Variants in PPARGC1A observed in about 807,000 individuals in gnomAD.
The protein encoded by PPARGC1A is peroxisome proliferator-activated receptor gamma coactivator 1-alpha.
A neutral mutation model predicts 88.7 loss-of-function variants in PPARGC1A; 25 were observed. The observed-to-expected ratio is 0.28, with a 90% CI of 0.21 to 0.39. PPARGC1A has a LOEUF of 0.39. PPARGC1A is among the 10% of genes least tolerant of loss of function. The pLI is 1.00. For synonymous variants in PPARGC1A, 363 were observed against 355.6 expected (o/e 1.02, Z -0.24); for missense variants, 880 against 968.7 (o/e 0.91, Z 1.22).
chr4:24,455,587 G>C, the PPARGC1A span, among the ~76,000 whole-genome samples: 1 of 152,242 alleles, frequency 6.6e-6, no homozygotes, highest in Non-Finnish European at 1.5e-5. Flanking sequence ...AAGTTCAAGT[G>C]TTGGAAACTT....
intron 2 of PPARGC1A, among the ~76,000 whole-genome samples, chr4:23,832,408 T>C (rs1725172742): frequency 6.6e-6 from 1 of 152,082 alleles, no homozygotes; most frequent in Non-Finnish European, 1.5e-5. Context: ...ACTCTATACC[T>C]TTCACAACAA....
the PPARGC1A span, among the ~76,000 whole-genome samples, chr4:23,923,810 C>A: frequency 6.6e-6 from 1 of 152,170 alleles, no homozygotes; most frequent in Non-Finnish European, 1.5e-5. Context: ...AAATCATTTT[C>A]CAACTTCCTT....
chr4:24,401,264 T>C, the PPARGC1A span, among the ~76,000 whole-genome samples: 1 of 152,118 alleles, frequency 6.6e-6, no homozygotes, highest in South Asian at 2.1e-4. Flanking sequence ...ATGATCTGCC[T>C]GCCTCAGCCT....
the PPARGC1A span, among the ~76,000 whole-genome samples, chr4:24,387,764 G>GAA: frequency 0.028 from 2,117 of 75,902 alleles, 51 homozygotes; most frequent in East Asian, 0.064. Context: ...GAGAGAGAGA[G>GAA]AGAGAAAGAA....
the PPARGC1A span, among the ~76,000 whole-genome samples, chr4:23,973,195 AT>A: frequency 0.05 from 7,597 of 152,288 alleles, 276 homozygotes; most frequent in East Asian, 0.15. Flanking sequence ...GGAAGAAAAA[AT>A]TTAGAGCAAG....
At chr4:23,990,221 A>G in the PPARGC1A span, among the ~76,000 whole-genome samples, 3 of 149,904 alleles carry the variant, frequency 2.0e-5, no homozygotes, top group Admixed American at 6.7e-5. Context: ...TATATATATG[A>G]TAATGGATAA....
chr4:24,278,164 C>T, the PPARGC1A span, among the ~76,000 whole-genome samples: 1 of 63,908 alleles, frequency 1.6e-5, no homozygotes, highest in Admixed American at 1.6e-4. Flanking sequence ...AAGATCCTGT[C>T]TCCAAAAAAA....
At chr4:24,446,269 C>T in the PPARGC1A span, among the ~76,000 whole-genome samples, 2 of 152,118 alleles carry the variant, frequency 1.3e-5, no homozygotes, top group African/African-American at 4.8e-5. Context: ...TTATAATAGC[C>T]CTCCTAACAG....
At chr4:24,472,296 G>A in the PPARGC1A span, among the ~76,000 whole-genome samples, 1 of 142,138 alleles carries the variant, frequency 7.0e-6, no homozygotes, top group South Asian at 2.2e-4. The surrounding 1 kb of genome is among the most constrained non-coding windows in gnomAD (Gnocchi z 4.5). Context: ...CCGAGCCTCT[G>A]CCTCCCCACC....
the PPARGC1A span, among the ~76,000 whole-genome samples, chr4:24,323,555 T>C: frequency 6.6e-6 from 1 of 152,166 alleles, no homozygotes. Flanking sequence ...CCTTTGACTG[T>C]AATTTTCCAT....
Position 23,890,020 on chromosome 4 carries a change from C to T in PPARGC1A, c.-63G>A. 6.2e-7 allele frequency: 1 copy of T among 1,607,762 alleles called. No individual in the cohort carries two copies. Among genetic ancestry groups the T allele is most frequent in the South Asian group, 1.1e-5 (1 of 89,958 alleles). ...CCAATCCACAGTGACACAGAGCACACACTCATGCAGGCAACCAGCCCCTTA... is the reference window on the plus strand; with the variant it reads ...CCAATCCACAGTGACACAGAGCACATACTCATGCAGGCAACCAGCCCCTTA... On this transcript the variant is annotated 5_prime_UTR_variant, in exon 1 of 13. In the 5' UTR this introduces an upstream ATG that the reference lacks. Transcript: ENST00000264867.
the PPARGC1A span, among the ~76,000 whole-genome samples, chr4:24,409,694 C>T: frequency 6.6e-6 from 1 of 152,082 alleles, no homozygotes; most frequent in Non-Finnish European, 1.5e-5. Flanking sequence ...GCTGGGGTGG[C>T]CTGACTAAAC....
the PPARGC1A span, among the ~76,000 whole-genome samples, chr4:24,046,503 C>A: frequency 0.3 from 45,905 of 151,978 alleles, 7,138 homozygotes; most frequent in East Asian, 0.44. Flanking sequence ...GGGACCCTTC[C>A]ATCCTTCTTC....
chr4:24,056,728 A>G, the PPARGC1A span, among the ~76,000 whole-genome samples: 3 of 152,160 alleles, frequency 2.0e-5, no homozygotes, highest in Non-Finnish European at 2.9e-5. Flanking sequence ...AGTTGTTGTG[A>G]GGCATATAGC....
intron 2 of PPARGC1A, among the ~76,000 whole-genome samples, chr4:23,842,332 C>A (rs1727198462): frequency 6.6e-6 from 1 of 152,018 alleles, no homozygotes; most frequent in Non-Finnish European, 1.5e-5. Flanking sequence ...GAATGTTCTT[C>A]CCTCTTTACA....
chr4:23,870,669 T>C (rs2148764889), intron 2 of PPARGC1A, among the ~76,000 whole-genome samples: 1 of 152,332 alleles, frequency 6.6e-6, no homozygotes, highest in South Asian at 2.1e-4. Context: ...TATCTGGGAA[T>C]AAAATGTGCT....
the PPARGC1A span, among the ~76,000 whole-genome samples, chr4:24,438,162 A>C: frequency 1.3e-5 from 2 of 152,214 alleles, no homozygotes; most frequent in African/African-American, 4.8e-5. Flanking sequence ...GGTAGCACTG[A>C]TGACAGCCCT....
the PPARGC1A span, among the ~76,000 whole-genome samples, chr4:23,913,154 C>G: frequency 6.9e-6 from 1 of 145,982 alleles, no homozygotes; most frequent in African/African-American, 2.5e-5. Context: ...TACACTCTCT[C>G]TCTCTCAACT....
chr4:24,120,279 C>A, the PPARGC1A span, among the ~76,000 whole-genome samples: 1 of 152,130 alleles, frequency 6.6e-6, no homozygotes, highest in African/African-American at 2.4e-5. Flanking sequence ...AGCCCCCAGA[C>A]ACCACCATCT....
Sources: allele counts gnomAD v4.1 joint callset (sites outside exome capture counted in the v4.1 genomes callset), GRCh38; gene constraint gnomAD v4.1.1; non-coding constraint Gnocchi (gnomAD v3.1); transcripts MANE v1.5; gene names NCBI Gene and HGNC (gene_info 2026-07-23, HGNC 2026-07-21).